The following SCN9A variants were observed in gnomAD, a reference collection of about 807,000 sequenced individuals.
SCN9A encodes sodium voltage-gated channel alpha subunit 9.
A neutral mutation model predicts 187.0 loss-of-function variants in SCN9A; 131 were observed. The ratio of observed to expected loss-of-function variants is 0.70; its 90% confidence interval spans 0.61 to 0.81. The LOEUF (loss-of-function observed/expected upper bound fraction) is 0.81, where lower values mean the gene tolerates loss of function less well. Ranked by LOEUF, SCN9A falls within the 30% of genes least tolerant of loss-of-function variation. The pLI, the probability that SCN9A is intolerant of heterozygous loss-of-function variation, is 0.00. For synonymous variants in SCN9A, 809 were observed against 808.6 expected, an observed-to-expected ratio of 1.00 and a Z score of -0.01; for missense variants, 2,252 against 2,396.6, an observed-to-expected ratio of 0.94 and a Z score of 1.26.
At chr2:166,229,815 G>A (rs1695004086) in intron 21 of SCN9A, among the ~76,000 whole-genome samples, 1 of 151,922 alleles carries the variant, frequency 6.6e-6, no homozygotes. Flanking sequence ...TTTCATCCAG[G>A]GCAATTCCTG....
intron 1 of SCN9A, among the ~76,000 whole-genome samples, chr2:166,336,247 G>T (rs758107372): frequency 2.6e-5 from 4 of 152,102 alleles, no homozygotes; most frequent in Non-Finnish European, 4.4e-5. Context: ...TGGCATTTAA[G>T]CGATTTAATC....
intron 7 of SCN9A, chr2:166,302,843 T>C: frequency 8.5e-6 from 2 of 233,950 alleles, no homozygotes; most frequent in Non-Finnish European, 8.1e-6. Context: ...ATAATTCTTT[T>C]TTATGATATA....
intron 19 of SCN9A, 85 bp from the exon 20 acceptor site, chr2:166,238,352 A>T: frequency 1.1e-6 from 1 of 880,924 alleles, no homozygotes; most frequent in South Asian, 1.8e-5. Context: ...TACAATTCTA[A>T]TGCTAAGACT....
chr2:166,319,009 A>C (rs532651681), intron 1 of SCN9A, among the ~76,000 whole-genome samples: 1 of 152,324 alleles, frequency 6.6e-6, no homozygotes, highest in African/African-American at 2.4e-5. Flanking sequence ...AGAGTCATCA[A>C]GCTAAAAGTA....
In SCN9A at chr2:166,288,444, T is replaced by G; in HGVS notation, c.1307A>C (p.Glu436Ala). The change falls in exon 10 of 27, where the codon GAA becomes GCA. Residue 436 changes from glutamate to alanine, a missense_variant. Coordinates refer to ENST00000642356, the MANE Select transcript of SCN9A (RefSeq NM_001365536.1). ...TAAATCAAATAACAGTACCTCAGCTTCTTCTTGCTCTTTTTTAAGACGGTC... is the reference window on the plus strand; with the variant it reads ...TAAATCAAATAACAGTACCTCAGCTGCTTCTTGCTCTTTTTTAAGACGGTC... ...MLDRLKKEQE[E>A]AEAIAAAAAE... 2.5e-6 allele frequency: 4 copies of G among 1,607,938 alleles called. No individual in the cohort carries two copies. Among genetic ancestry groups the G allele is most frequent in the East Asian group, 2.2e-5 (1 of 44,832 alleles).
intron 17 of SCN9A, among the ~76,000 whole-genome samples, chr2:166,255,691 CA>C (rs11349739): frequency 0.81 from 122,364 of 150,824 alleles, 50,049 homozygotes; most frequent in Non-Finnish European, 0.85. Context: ...CTTCACACAA[CA>C]AAAAAAAAGA....
chr2:166,268,363 A>G lies in SCN9A; in HGVS notation c.3351+4036T>C, dbSNP rs79125805. On this transcript the variant is annotated intron_variant, in intron 17 of 26. Transcript: ENST00000642356. ...GAGTTACTTTCTATTGGGTAATTCA[A>G]TTTGCCTCTTTGGCTCATCCAGGCT... 8.7e-3 allele frequency among the ~76,000 whole-genome samples: 1,325 copies of G among 152,046 alleles called. 16 individuals are homozygous for G. Among genetic ancestry groups the G allele is most frequent in the South Asian group, 0.055 (268 of 4,830 alleles).
intron 24 of SCN9A, among the ~76,000 whole-genome samples, chr2:166,223,944 A>G (rs1553478082): frequency 6.6e-6 from 1 of 152,188 alleles, no homozygotes; most frequent in Non-Finnish European, 1.5e-5. Flanking sequence ...AATAAAAGCT[A>G]TACTTAGATT....
intron 17 of SCN9A, among the ~76,000 whole-genome samples, chr2:166,259,032 A>C (rs962177939): frequency 6.6e-6 from 1 of 151,738 alleles, no homozygotes; most frequent in African/African-American, 2.4e-5. Flanking sequence ...AGTCATCAAG[A>C]GAATCACAAA....
intron 21 of SCN9A, 65 bp from the exon 22 acceptor site, chr2:166,229,037 G>T: frequency 7.8e-7 from 1 of 1,274,506 alleles, no homozygotes; most frequent in Non-Finnish European, 1.1e-6. Flanking sequence ...CAACATGAAA[G>T]AAATGCCATG....
At chr2:166,370,467 C>T (rs910253647) in intron 1 of SCN9A, among the ~76,000 whole-genome samples, 1 of 151,258 alleles carries the variant, frequency 6.6e-6, no homozygotes, top group South Asian at 2.1e-4. Context: ...GGTGTGAACC[C>T]AGGACGCGGA....
intron 6 of SCN9A, 70 bp downstream of exon 6, chr2:166,304,168 C>T (rs751770785): frequency 1.1e-4 from 171 of 1,611,182 alleles, no homozygotes; most frequent in Non-Finnish European, 1.3e-4. Flanking sequence ...CACACACAAA[C>T]GAACAAAGAA....
intron 24 of SCN9A, among the ~76,000 whole-genome samples, chr2:166,207,550 C>T (rs1302219212): frequency 6.6e-6 from 1 of 152,072 alleles, no homozygotes; most frequent in African/African-American, 2.4e-5. Flanking sequence ...AAGTAATTCT[C>T]ATGTCTCAGC....
At chr2:166,210,217 A>G (rs1694021077) in intron 24 of SCN9A, among the ~76,000 whole-genome samples, 3 of 152,098 alleles carry the variant, frequency 2.0e-5, no homozygotes, top group African/African-American at 7.2e-5. Context: ...AAAAAAACCA[A>G]ACACTGCACT....
At chr2:166,332,192 T>TA (rs1347322386) in intron 1 of SCN9A, among the ~76,000 whole-genome samples, 1 of 152,186 alleles carries the variant, frequency 6.6e-6, no homozygotes, top group African/African-American at 2.4e-5. Flanking sequence ...TGTACAGCTA[T>TA]AGTAGAATCC....
intron 2 of SCN9A, among the ~76,000 whole-genome samples, chr2:166,309,485 A>C (rs991322079): frequency 1.3e-5 from 2 of 152,218 alleles, no homozygotes; most frequent in Non-Finnish European, 2.9e-5. Context: ...ACTAAACATT[A>C]TACTAAATTT....
At chr2:166,265,703 T>G (rs1474345797) in intron 17 of SCN9A, among the ~76,000 whole-genome samples, 1 of 152,032 alleles carries the variant, frequency 6.6e-6, no homozygotes, top group Non-Finnish European at 1.5e-5. Flanking sequence ...GGATTCCCTT[T>G]TCTCCATATC....
chr2:166,277,664 T>C, intron 15 of SCN9A: 1 of 248,464 alleles, frequency 4.0e-6, no homozygotes, highest in Non-Finnish European at 7.7e-6. Flanking sequence ...TCTAATACTT[T>C]CATACATTTT....
intron 10 of SCN9A, among the ~76,000 whole-genome samples, chr2:166,287,727 A>C (rs578042103): frequency 4.6e-4 from 70 of 152,140 alleles, no homozygotes; most frequent in African/African-American, 1.6e-3. Context: ...ATTAAGGAGG[A>C]AACTTTCGAG....
Sources: gnomAD v4.1 joint callset for allele counts (sites outside exome capture counted in the v4.1 genomes callset) on GRCh38, gnomAD v4.1.1 for gene constraint, MANE v1.5 for transcripts, NCBI Gene and HGNC (gene_info 2026-07-23, HGNC 2026-07-21) for gene names.